CFAP74: variants seen among roughly 807,000 people sequenced by gnomAD.
The protein encoded by CFAP74 is cilia and flagella associated protein 74, also known as cilia- and flagella-associated protein 74.
CFAP74 carries 124 observed loss-of-function variants against 188.9 expected under a neutral mutation model. That is an observed-to-expected ratio of 0.66 (90% CI 0.57 to 0.76). The LOEUF (loss-of-function observed/expected upper bound fraction) is 0.76, where lower values mean the gene tolerates loss of function less well. Ranked by LOEUF, CFAP74 falls within the 30% of genes least tolerant of loss-of-function variation. The probability of loss-of-function intolerance (pLI) is 0.00; values close to 1 mark genes in which losing one functional copy is unlikely to be tolerated. For synonymous variants in CFAP74, 956 were observed against 916.7 expected, an observed-to-expected ratio of 1.04 and a Z score of -0.77; for missense variants, 2,198 against 2,165.2, an observed-to-expected ratio of 1.02 and a Z score of -0.30.
chr1:1,940,036 C>T (rs544045851), intron 23 of CFAP74, among the ~76,000 whole-genome samples: 3 of 152,216 alleles, frequency 2.0e-5, no homozygotes, highest in Non-Finnish European at 2.9e-5. Context: ...GGCGCATAGA[C>T]GTGTGCAGCT....
At chr1:1,927,565 G>A (rs1374191982) in intron 28 of CFAP74, 42 bp downstream of exon 28, 1 of 1,527,542 alleles carries the variant, frequency 6.5e-7, no homozygotes, top group Non-Finnish European at 8.8e-7. Flanking sequence ...CCACCAGAGG[G>A]GCCTGGAGGG....
intron 1 of CFAP74, among the ~76,000 whole-genome samples, chr1:2,001,358 C>G (rs1475230991): frequency 1.3e-5 from 2 of 149,116 alleles, no homozygotes; most frequent in African/African-American, 2.5e-5. Context: ...GAGACGGAGT[C>G]TCGCTCTGTC....
intron 18 of CFAP74, among the ~76,000 whole-genome samples, chr1:1,948,844 C>T (rs969759180): frequency 6.8e-6 from 1 of 147,636 alleles, no homozygotes; most frequent in African/African-American, 2.5e-5. Context: ...CCTGATAATA[C>T]CCATGTCTGA....
chr1:1,945,298 G>C (rs1390613688), intron 20 of CFAP74, among the ~76,000 whole-genome samples: 1 of 152,162 alleles, frequency 6.6e-6, no homozygotes, highest in Non-Finnish European at 1.5e-5. Context: ...GACTCCTGGG[G>C]CCTCAGGAGG....
In CFAP74 at chr1:1,973,976, T is replaced by C. The variant is rs752139787; in HGVS notation, c.674+49A>G. 4.1e-6 allele frequency: 6 copies of C among 1,468,996 alleles called. No individual in the cohort carries two copies. The South Asian group carries it at 6.9e-5, about 17-fold the overall frequency. The allele number at this position is 1,468,996 out of a possible 1,614,324, so 91.0% of individuals were successfully genotyped here. A position where few individuals can be genotyped will look rare whatever the true frequency, so the allele number is the denominator to read the frequency against. On this transcript the variant is annotated intron_variant, in intron 7 of 38. Transcript: ENST00000682832. The surrounding 1 kb of genome is among the most constrained non-coding windows in gnomAD (Gnocchi z 6.2). ...CCCCTGGGGGAGAGGGCGGAGGGGC[T>C]GGCAGAAGCTGCTGGGAAGGGATGG...
chr1:1,924,548 C>A, intron 33 of CFAP74, 28 bp from the exon 34 acceptor site: 1 of 1,587,204 alleles, frequency 6.3e-7, no homozygotes, highest in South Asian at 1.1e-5. Flanking sequence ...CGGTCACTGC[C>A]CGCCAGCCCC....
At chr1:1,955,563 C>G in intron 18 of CFAP74, 128 bp downstream of exon 18, 1 of 1,611,802 alleles carries the variant, frequency 6.2e-7, no homozygotes, top group Non-Finnish European at 8.5e-7. Context: ...TTAACCGTCA[C>G]TTAACATCGA....
At chr1:1,954,793 T>A (rs1266582984) in intron 18 of CFAP74, 10 of 1,103,918 alleles carry the variant, frequency 9.1e-6, no homozygotes, top group Admixed American at 5.2e-5. Flanking sequence ...TAAAAAGAAC[T>A]CACTTTGGTA....
intron 23 of CFAP74, 51 bp downstream of exon 23, chr1:1,940,265 C>T: frequency 1.4e-6 from 2 of 1,409,750 alleles, no homozygotes; most frequent in African/African-American, 1.4e-5. Context: ...CCAGGAAAGC[C>T]CCTGCTACCC....
Position 1,939,626 on chromosome 1 carries a change from G to T in CFAP74, c.2845C>A (p.Pro949Thr). The change falls in exon 24 of 39, where the codon CCC (proline) becomes ACC (threonine). Residue 949 changes from proline (P) to threonine (T), a missense_variant. Physicochemically the swap from Pro to Thr is conservative, Grantham distance 38 (BLOSUM62 -1). Transcript: ENST00000682832. ...EISLHNHSLL[P>T]QEFGFVRLPK... is the part of the protein sequence containing the mutation. ...AGCCTGACGAACCCGAACTCCTGGG[G>T]CAGGAGCGAGTGGTTGTGGAGGCTG... is the stretch of plus-strand genomic sequence containing the variant. The T allele has an allele frequency of 6.5e-7, 1 of 1,536,076 alleles. No homozygotes were observed. The highest frequency in any genetic ancestry group is 8.7e-7 in the Non-Finnish European group (1 of 1,146,866).
chr1:1,997,480 T>A (rs1438084629), intron 1 of CFAP74, among the ~76,000 whole-genome samples: 1 of 151,780 alleles, frequency 6.6e-6, no homozygotes, highest in Non-Finnish European at 1.5e-5. Context: ...ATGGTCATTA[T>A]TTCAGATAAA....
intron 1 of CFAP74, among the ~76,000 whole-genome samples, chr1:1,999,504 C>T (rs13303035): frequency 0.31 from 47,813 of 151,998 alleles, 8,023 homozygotes; most frequent in Middle Eastern, 0.45. Flanking sequence ...TGGGTAGAGT[C>T]GCCCACATTT....
intron 20 of CFAP74, among the ~76,000 whole-genome samples, chr1:1,945,603 G>A (rs563639140): frequency 8.6e-5 from 13 of 152,008 alleles, no homozygotes; most frequent in East Asian, 5.8e-4. Context: ...CGAGGCGGGC[G>A]GATCACTTGA....
intron 33 of CFAP74, among the ~76,000 whole-genome samples, 172 bp downstream of exon 33, chr1:1,925,611 C>T (rs1651821881): frequency 1.3e-5 from 2 of 152,170 alleles, no homozygotes; most frequent in South Asian, 2.1e-4. Flanking sequence ...GGGTTCCCTG[C>T]AGGAGAGGGC....
Position 1,973,284 on chromosome 1 carries a change from C to T in CFAP74, c.675-237G>A, listed in dbSNP as rs3795287. Among the ~76,000 whole-genome samples, 268 of 152,292 alleles carry T rather than the reference C, an allele frequency of 1.8e-3. 4 individuals are homozygous for T. Among genetic ancestry groups the T allele is most frequent in the East Asian group, 3.7e-3 (19 of 5,180 alleles). On this transcript the variant is annotated intron_variant, in intron 7 of 38. Transcript: ENST00000682832. This position sits in a 1 kb window ranked among gnomAD's most constrained non-coding sequence, Gnocchi z 6.2. The stretch of plus-strand genomic sequence containing the variant: ...TCCAGTGCCAGGGAGCCACCAAAGG[C>T]AAGGTTTGATCCCAGCTGGGCAGGG...
At chr1:1,935,508 G>C (rs1365314198) in intron 25 of CFAP74, among the ~76,000 whole-genome samples, 1 of 96,000 alleles carries the variant, frequency 1.0e-5, no homozygotes, top group African/African-American at 3.7e-5. Flanking sequence ...GTGTGCACGT[G>C]GGTTAGGTTG....
At chr1:1,939,438 G>A (rs1278246975) in intron 24 of CFAP74, among the ~76,000 whole-genome samples, 156 bp downstream of exon 24, 2 of 152,218 alleles carry the variant, frequency 1.3e-5, no homozygotes, top group Non-Finnish European at 2.9e-5. Flanking sequence ...CTGGTGTGCA[G>A]GGTGGGGAGG....
rs377414276 is a variant in CFAP74, at chr1:1,924,550, G to A, written c.4105-30C>T. ...AGAGAGCAGGCCGCGGTCACTGCCC[G>A]CCAGCCCCTGCCTGGCTGCCCCCTT... On this transcript the variant is annotated intron_variant, in intron 33 of 38. Coordinates refer to ENST00000682832, the MANE Select transcript of CFAP74 (RefSeq NM_001304360.2). 41 of 1,580,172 alleles carry A rather than the reference G, an allele frequency of 2.6e-5. No homozygotes were observed. In the Middle Eastern group the frequency reaches 5.1e-4, roughly 20 times the overall value.
chr1:1,982,340 C>T (rs910023976), intron 6 of CFAP74, among the ~76,000 whole-genome samples: 1 of 150,966 alleles, frequency 6.6e-6, no homozygotes, highest in Non-Finnish European at 1.5e-5. Flanking sequence ...ACACGCAGGA[C>T]ACCCAGCCGT....
Sources: gnomAD v4.1 joint callset for allele counts (sites outside exome capture counted in the v4.1 genomes callset) on GRCh38, gnomAD v4.1.1 for gene constraint, Gnocchi (gnomAD v3.1) non-coding constraint, MANE v1.5 for transcripts, NCBI Gene and HGNC (gene_info 2026-07-23, HGNC 2026-07-21) for gene names.